Variants in GDPD4 observed in about 807,000 individuals in gnomAD.
The protein encoded by GDPD4 is glycerophosphodiester phosphodiesterase 6.
A neutral mutation model predicts 67.8 loss-of-function variants in GDPD4; 60 were observed. The observed-to-expected ratio is 0.88, with a 90% CI of 0.72 to 1.10. The LOEUF (loss-of-function observed/expected upper bound fraction) is 1.10. Among genes scored for constraint, GDPD4 ranks in the 50% least tolerant of loss-of-function variants. The pLI is 0.00. For synonymous variants in GDPD4, 212 were observed against 210.9 expected (o/e 1.00, Z -0.04); for missense variants, 623 against 613.9 (o/e 1.01, Z -0.16).
rs761263978 is a variant in GDPD4, at chr11:77,217,031, C to T, written c.*246G>A. 1.3e-5 allele frequency: 9 copies of T among 703,612 alleles called. No homozygotes were observed. The highest frequency in any genetic ancestry group is 8.9e-5 in the South Asian group (6 of 67,598). The allele number at this position is 703,612 out of a possible 1,614,324, so 43.6% of individuals were successfully genotyped here. ...AAAGGTAGCCTCACTTGTAGCCTGC[C>T]TGGTGGGTGCTTGGGTGAGTTCAAA... On this transcript the variant is annotated 3_prime_UTR_variant, in exon 17 of 17. Coordinates refer to ENST00000315938, the MANE Select transcript of GDPD4 (RefSeq NM_182833.3).
intron 4 of GDPD4, among the ~76,000 whole-genome samples, chr11:77,277,562 C>T (rs950929750): frequency 2.0e-5 from 3 of 151,658 alleles, no homozygotes; most frequent in Non-Finnish European, 4.4e-5. Flanking sequence ...GCCACCACGC[C>T]TGGCTAATTT....
intron 2 of GDPD4, among the ~76,000 whole-genome samples, chr11:77,286,550 C>T (rs1370642710): frequency 6.6e-6 from 1 of 152,138 alleles, no homozygotes; most frequent in Non-Finnish European, 1.5e-5. Flanking sequence ...ATTAATGACC[C>T]AACTGGTCTG....
intron 1 of GDPD4, among the ~76,000 whole-genome samples, chr11:77,295,607 G>A (rs111797337): frequency 0.01 from 1,536 of 152,102 alleles, 20 homozygotes; most frequent in Non-Finnish European, 0.012. Context: ...CTCCATTCTG[G>A]GTGACAGAAT....
chr11:77,291,454 T>C (rs1021467069), intron 1 of GDPD4, among the ~76,000 whole-genome samples: 9 of 152,194 alleles, frequency 5.9e-5, no homozygotes, highest in Non-Finnish European at 1.0e-4. Flanking sequence ...TAGTGTTTGA[T>C]AGCATAGTAG....
At chr11:77,233,571 T>A (rs910798518) in intron 13 of GDPD4, among the ~76,000 whole-genome samples, 4 of 151,924 alleles carry the variant, frequency 2.6e-5, no homozygotes, top group African/African-American at 9.7e-5. Context: ...GTAGAACCAA[T>A]TTGCAGAGTT....
intron 13 of GDPD4, 28 bp from the exon 14 acceptor site, chr11:77,233,200 A>G: frequency 6.2e-7 from 1 of 1,605,898 alleles, no homozygotes; most frequent in Non-Finnish European, 8.5e-7. Context: ...CCCACAGGGG[A>G]TTTAGATCAA....
chr11:77,293,026 C>T (rs1937833215), intron 1 of GDPD4, among the ~76,000 whole-genome samples: 1 of 151,980 alleles, frequency 6.6e-6, no homozygotes. Context: ...AAAAAAACAA[C>T]AACAACGGGT....
chr11:77,299,152 G>A (rs1319101564), intron 1 of GDPD4, among the ~76,000 whole-genome samples: 3 of 152,156 alleles, frequency 2.0e-5, no homozygotes, highest in African/African-American at 7.2e-5. Flanking sequence ...AGGGGCCGGA[G>A]GTAGCAGTTG....
intron 10 of GDPD4, among the ~76,000 whole-genome samples, chr11:77,262,644 C>G (rs1290726220): frequency 6.6e-6 from 1 of 152,084 alleles, no homozygotes; most frequent in African/African-American, 2.4e-5. Context: ...AGGACCCCCA[C>G]AGAGGAACAG....
intron 10 of GDPD4, among the ~76,000 whole-genome samples, chr11:77,260,518 T>C (rs1322856295): frequency 6.6e-6 from 1 of 152,036 alleles, no homozygotes; most frequent in Non-Finnish European, 1.5e-5. Context: ...GTCCAGCATA[T>C]AATCAAAACT....
In GDPD4 at chr11:77,279,330, C is replaced by A; in HGVS notation, c.123G>T (p.Leu41=). 6.2e-7 allele frequency: 1 copy of A among 1,611,292 alleles called. No homozygotes were observed. The highest frequency in any genetic ancestry group is 8.5e-7 in the Non-Finnish European group (1 of 1,177,572). ...SIFILSLARI[L]TAYSSLLLLL... ...CCAACAGCAATGAAGAGTAGGCAGT[C>A]AGGATCCTAGCTAAACTCAGAATAA... Residue 41 remains leucine (L), a synonymous_variant, in exon 4 of 17, where the codon CTG becomes CTT. Transcript: ENST00000315938.
chr11:77,217,996 TAA>T (rs1311580631), intron 16 of GDPD4, among the ~76,000 whole-genome samples: 1 of 151,932 alleles, frequency 6.6e-6, no homozygotes, highest in African/African-American at 2.4e-5. Flanking sequence ...TTTTATTAAT[TAA>T]TTTTTAAAAG....
In GDPD4 at chr11:77,257,889, C is replaced by G. The variant is rs147490087; in HGVS notation, c.864+497G>C. 4.1e-4 allele frequency among the ~76,000 whole-genome samples: 62 copies of G among 152,244 alleles called. No individual in the cohort carries two copies. The East Asian group carries it at 0.011, about 27-fold the overall frequency. On this transcript the variant is annotated intron_variant, in intron 11 of 16. Transcript: ENST00000315938. ...CTCCTGAAGCAACCTGAAATTAACT[C>G]GTTTTGCTCTTATCACAATGTACAG... is the stretch of plus-strand genomic sequence containing the variant.
chr11:77,227,774 T>A, intron 16 of GDPD4, 90 bp downstream of exon 16: 1 of 585,174 alleles, frequency 1.7e-6, no homozygotes, highest in Non-Finnish European at 3.1e-6. Context: ...CACCCTCAGC[T>A]CTTGTCAGGG....
intron 16 of GDPD4, among the ~76,000 whole-genome samples, chr11:77,223,881 C>T (rs781539299): frequency 2.6e-5 from 4 of 152,182 alleles, no homozygotes; most frequent in Non-Finnish European, 5.9e-5. Context: ...CTTTGTTTAC[C>T]TACTCAAGCC....
chr11:77,243,276 G>A (rs1322435859), intron 13 of GDPD4, among the ~76,000 whole-genome samples: 10 of 151,990 alleles, frequency 6.6e-5, no homozygotes, highest in East Asian at 1.9e-4. Context: ...TTAATTATCC[G>A]TTCCAGAAAT....
At chr11:77,285,347 G>C (rs1386104020) in intron 2 of GDPD4, among the ~76,000 whole-genome samples, 160 bp from the exon 3 acceptor site, 1 of 152,110 alleles carries the variant, frequency 6.6e-6, no homozygotes, top group Non-Finnish European at 1.5e-5. Flanking sequence ...ACCAAATCCT[G>C]TATATGCCTA....
chr11:77,279,233 A>C (rs1428772852), intron 4 of GDPD4, 73 bp downstream of exon 4: 6 of 918,814 alleles, frequency 6.5e-6, no homozygotes, highest in Non-Finnish European at 7.1e-6. Flanking sequence ...CCAACTGGAT[A>C]CTATACCACA....
rs1210643894 is a variant in GDPD4, at chr11:77,277,370, A to G, written c.148-1150T>C. Reference sequence around the variant, plus strand: ...TTCCAGGCCTTCCAAAATCTCACAAACCTCTTTTCAGCCATGTTTCCTTTT... The same window carrying G: ...TTCCAGGCCTTCCAAAATCTCACAAGCCTCTTTTCAGCCATGTTTCCTTTT... On this transcript the variant is annotated intron_variant, in intron 4 of 16. Coordinates refer to ENST00000315938, the MANE Select transcript of GDPD4 (RefSeq NM_182833.3). 3.1e-4 allele frequency among the ~76,000 whole-genome samples: 40 copies of G among 127,084 alleles called. No individual in the cohort carries two copies. In the Admixed American group the frequency reaches 3.3e-3, roughly 11 times the overall value. 83.4% of individuals were successfully genotyped at this position (127,084 alleles called of 152,430 possible).
Sources: gnomAD v4.1 joint callset for allele counts (sites outside exome capture counted in the v4.1 genomes callset) on GRCh38, gnomAD v4.1.1 for gene constraint, MANE v1.5 for transcripts, NCBI Gene and HGNC (gene_info 2026-07-23, HGNC 2026-07-21) for gene names.